The following PDGFD variants were observed in gnomAD, a reference collection of about 807,000 sequenced individuals.
The protein encoded by PDGFD is platelet-derived growth factor D.
Under a neutral mutation model 44.7 loss-of-function variants are expected in PDGFD, and 30 were observed. That is an observed-to-expected ratio of 0.67 (90% CI 0.50 to 0.91). The LOEUF (loss-of-function observed/expected upper bound fraction) is 0.91. Ranked by LOEUF, PDGFD falls within the 40% of genes least tolerant of loss-of-function variation. The pLI, the probability that PDGFD is intolerant of heterozygous loss-of-function variation, is 0.00. For synonymous variants in PDGFD, 173 were observed against 168.4 expected, an observed-to-expected ratio of 1.03 and a Z score of -0.21; for missense variants, 445 against 457.8, an observed-to-expected ratio of 0.97 and a Z score of 0.25.
At chr11:103,991,640 G>A (rs1859454315) in intron 3 of PDGFD, among the ~76,000 whole-genome samples, 1 of 152,104 alleles carries the variant, frequency 6.6e-6, no homozygotes, top group Admixed American at 6.6e-5. Context: ...TTTAAAAAAT[G>A]TACCTCACAT....
At chr11:103,934,523 A>T (rs1422153765) in intron 5 of PDGFD, among the ~76,000 whole-genome samples, 1 of 152,236 alleles carries the variant, frequency 6.6e-6, no homozygotes, top group Non-Finnish European at 1.5e-5. Flanking sequence ...GAAACACCCA[A>T]GACTGGGTAG....
intron 1 of PDGFD, among the ~76,000 whole-genome samples, chr11:104,125,485 G>A (rs1168974422): frequency 6.6e-6 from 1 of 152,052 alleles, no homozygotes. Flanking sequence ...TAACGAAAAT[G>A]CTTGTGAGAG....
At chr11:103,910,906 C>A (rs1019842662) in intron 6 of PDGFD, among the ~76,000 whole-genome samples, 1 of 152,166 alleles carries the variant, frequency 6.6e-6, no homozygotes, top group East Asian at 1.9e-4. Context: ...GGGGCGTCTG[C>A]CATTGCTGAG....
chr11:104,105,888 A>G (rs1453828456), intron 1 of PDGFD, among the ~76,000 whole-genome samples: 4 of 151,834 alleles, frequency 2.6e-5, no homozygotes, highest in Non-Finnish European at 5.9e-5. Context: ...TCTAAGTGTT[A>G]TATATAAGTA....
intron 1 of PDGFD, among the ~76,000 whole-genome samples, chr11:104,119,795 T>G (rs1187985066): frequency 8.6e-6 from 1 of 116,112 alleles, no homozygotes; most frequent in Non-Finnish European, 1.6e-5. Context: ...TAAGAAATTA[T>G]ATATTATATA....
intron 1 of PDGFD, among the ~76,000 whole-genome samples, chr11:104,123,815 G>A (rs1037933330): frequency 4.6e-5 from 7 of 151,664 alleles, no homozygotes; most frequent in African/African-American, 1.5e-4. Flanking sequence ...TCTTTTTTCT[G>A]TTTTAGTATC....
At chr11:104,049,821 A>C (rs1310648617) in intron 1 of PDGFD, among the ~76,000 whole-genome samples, 3 of 152,060 alleles carry the variant, frequency 2.0e-5, no homozygotes, top group Non-Finnish European at 4.4e-5. Flanking sequence ...GGCAAGGAGG[A>C]GGTTGTTGGT....
At chr11:103,988,395 TGTGTTTA>T (rs1406243428) in intron 3 of PDGFD, among the ~76,000 whole-genome samples, 1 of 151,746 alleles carries the variant, frequency 6.6e-6, no homozygotes, top group Non-Finnish European at 1.5e-5. Context: ...AAGCTGGAAA[TGTGTTTA>T]CTCAGCACAT....
intron 3 of PDGFD, among the ~76,000 whole-genome samples, chr11:103,985,476 C>T (rs1202241966): frequency 6.6e-6 from 1 of 151,560 alleles, no homozygotes; most frequent in Non-Finnish European, 1.5e-5. Flanking sequence ...GCTGGGATTA[C>T]AGGTGTGAGC....
chr11:103,916,493 A>G (rs6591060), intron 6 of PDGFD, among the ~76,000 whole-genome samples: 69,989 of 152,052 alleles, frequency 0.46, 16,225 homozygotes, highest in South Asian at 0.49. Context: ...GTTGGTGGGA[A>G]TGTAAATTAG....
intron 1 of PDGFD, among the ~76,000 whole-genome samples, chr11:104,088,779 C>A (rs1861170176): frequency 6.6e-6 from 1 of 152,122 alleles, no homozygotes; most frequent in South Asian, 2.1e-4. Context: ...TATGAGATAT[C>A]AGAACAGCCA....
intron 3 of PDGFD, among the ~76,000 whole-genome samples, chr11:103,958,161 A>G (rs1156602152): frequency 6.6e-6 from 1 of 152,148 alleles, no homozygotes; most frequent in Non-Finnish European, 1.5e-5. Context: ...TATCTCATTC[A>G]TCATTTCTAC....
At chr11:103,981,893 T>G (rs1350877125) in intron 3 of PDGFD, among the ~76,000 whole-genome samples, 1 of 151,830 alleles carries the variant, frequency 6.6e-6, no homozygotes, top group South Asian at 2.1e-4. Flanking sequence ...AAATCTTGCC[T>G]GCTATGGTGT....
rs1857959982 is a variant in PDGFD at position 103,907,815 on chromosome 11, T to C, written c.*1879A>G. 1 of 151,744 alleles carries C rather than the reference T, an allele frequency of 6.6e-6. No homozygotes were observed. The highest frequency in any genetic ancestry group is 1.5e-5 in the Non-Finnish European group (1 of 67,858). The allele number at this position is 151,744 out of a possible 1,614,324, so 9.4% of individuals were successfully genotyped here. On this transcript the variant is annotated 3_prime_UTR_variant, in exon 7 of 7. Coordinates refer to ENST00000393158, the MANE Select transcript of PDGFD (RefSeq NM_025208.5). ...GAGGAAGAGCGTTCTTAATTATTAG[T>C]GTCTGCCTGAGCTATTTCTGATTGT... is the stretch of plus-strand genomic sequence containing the variant.
chr11:103,985,387 A>G (rs1859347974), intron 3 of PDGFD, among the ~76,000 whole-genome samples: 1 of 150,752 alleles, frequency 6.6e-6, no homozygotes, highest in African/African-American at 2.5e-5. Flanking sequence ...TTTTGAAGAG[A>G]TGGGGGTCTC....
chr11:104,024,262 T>C (rs1860007393), intron 1 of PDGFD, among the ~76,000 whole-genome samples: 1 of 152,080 alleles, frequency 6.6e-6, no homozygotes, highest in Non-Finnish European at 1.5e-5. Context: ...CATTTGAATA[T>C]GAAGGTACCA....
At chr11:104,087,931 T>A (rs17101939) in intron 1 of PDGFD, among the ~76,000 whole-genome samples, 11,300 of 152,228 alleles carry the variant, frequency 0.074, 1,385 homozygotes, top group African/African-American at 0.26. Context: ...ATACTGAACA[T>A]CTTATTATTC....
chr11:104,016,329 C>T (rs897984355), intron 1 of PDGFD, among the ~76,000 whole-genome samples: 3 of 152,218 alleles, frequency 2.0e-5, no homozygotes, highest in African/African-American at 4.8e-5. Context: ...ATCTCTCCCT[C>T]GCAGGGTTGG....
intron 1 of PDGFD, among the ~76,000 whole-genome samples, chr11:104,045,271 G>C (rs1860422695): frequency 6.6e-6 from 1 of 152,068 alleles, no homozygotes; most frequent in African/African-American, 2.4e-5. Context: ...TTATATAGGA[G>C]ATATTACCTT....
Sources: allele counts gnomAD v4.1 joint callset (sites outside exome capture counted in the v4.1 genomes callset), GRCh38; gene constraint gnomAD v4.1.1; transcripts MANE v1.5; gene names NCBI Gene and HGNC (gene_info 2026-07-23, HGNC 2026-07-21).